The following PHF14 variants were observed in gnomAD, a reference collection of about 807,000 sequenced individuals.
PHF14 encodes the protein PHD finger protein 14.
In PHF14, 55 loss-of-function variants were observed where a neutral mutation model predicts 117.9. The observed-to-expected ratio is 0.47, with a 90% CI of 0.38 to 0.58. PHF14 has a LOEUF of 0.58. PHF14 is among the 20% of genes least tolerant of loss of function. The probability of loss-of-function intolerance (pLI) is 0.00; values close to 1 mark genes in which losing one functional copy is unlikely to be tolerated. For missense variants in PHF14, 978 were observed against 1,122.2 expected (o/e 0.87, Z 1.84); for synonymous variants, 409 against 368.6 (o/e 1.11, Z -1.26).
intron 17 of PHF14, among the ~76,000 whole-genome samples, chr7:11,145,769 CTTATT>C (rs758673502): frequency 2.0e-5 from 3 of 151,998 alleles, no homozygotes; most frequent in East Asian, 3.8e-4. Flanking sequence ...ATATTATTAT[CTTATT>C]TTATTAAAAC....
intron 17 of PHF14, 37 bp from the exon 18 acceptor site, chr7:11,169,379 G>A: frequency 2.0e-6 from 2 of 993,232 alleles, no homozygotes; most frequent in Non-Finnish European, 3.0e-6. Flanking sequence ...ATGCTCTAAA[G>A]TTTATATTTT....
At chr7:11,162,175 A>ACCTC (rs1789064522) in intron 17 of PHF14, among the ~76,000 whole-genome samples, 2 of 123,858 alleles carry the variant, frequency 1.6e-5, no homozygotes, top group South Asian at 5.7e-4. Flanking sequence ...TGCAACCTCC[A>ACCTC]CCTCCCAGGT....
chr7:11,085,113 T>C (rs182146315), intron 16 of PHF14, among the ~76,000 whole-genome samples: 4 of 152,314 alleles, frequency 2.6e-5, no homozygotes, highest in Admixed American at 2.0e-4. Flanking sequence ...TGTTATGAAA[T>C]AGACAACAGA....
At chr7:11,157,334 C>A (rs1788893143) in intron 17 of PHF14, among the ~76,000 whole-genome samples, 1 of 151,380 alleles carries the variant, frequency 6.6e-6, no homozygotes, top group South Asian at 2.1e-4. Context: ...ATTCCATACT[C>A]TTCTAAAATG....
intron 4 of PHF14, among the ~76,000 whole-genome samples, chr7:10,997,897 G>A (rs2128312233): frequency 6.6e-6 from 1 of 152,278 alleles, no homozygotes; most frequent in Middle Eastern, 3.4e-3. Flanking sequence ...ATATTCCGCT[G>A]TTCACACAAG....
intron 4 of PHF14, among the ~76,000 whole-genome samples, chr7:11,007,180 C>T (rs540276023): frequency 4.0e-5 from 6 of 151,092 alleles, no homozygotes; most frequent in African/African-American, 7.3e-5. Context: ...GTAACAAGAG[C>T]GAAACTCCGT....
At chr7:11,079,108 T>A (rs1166085724) in intron 16 of PHF14, among the ~76,000 whole-genome samples, 3 of 152,194 alleles carry the variant, frequency 2.0e-5, no homozygotes, top group African/African-American at 7.2e-5. Context: ...TTGAATGAGC[T>A]CTAACTATTA....
At chr7:11,075,564 G>GTTTT (rs3073111) in intron 16 of PHF14, among the ~76,000 whole-genome samples, 91 of 109,996 alleles carry the variant, frequency 8.3e-4, no homozygotes, top group African/African-American at 1.7e-3. Flanking sequence ...AAGGAAAGAG[G>GTTTT]TTTTTTTTTT....
At chr7:11,087,092 G>C (rs1786440763) in intron 16 of PHF14, among the ~76,000 whole-genome samples, 1 of 152,036 alleles carries the variant, frequency 6.6e-6, no homozygotes, top group Non-Finnish European at 1.5e-5. Context: ...AAGTCCCTGG[G>C]TTCCCTTTTC....
At chr7:11,113,699 A>G (rs1787517000) in intron 17 of PHF14, among the ~76,000 whole-genome samples, 1 of 152,150 alleles carries the variant, frequency 6.6e-6, no homozygotes, top group Non-Finnish European at 1.5e-5. Flanking sequence ...TTTGTGCTGC[A>G]TCAGTGGTTT....
intron 17 of PHF14, among the ~76,000 whole-genome samples, chr7:11,117,752 T>C (rs1049092677): frequency 1.3e-5 from 2 of 151,740 alleles, no homozygotes; most frequent in Non-Finnish European, 2.9e-5. Context: ...TTAATTGAAC[T>C]TGGTAATATT....
At chr7:11,147,652 G>T (rs924801096) in intron 17 of PHF14, among the ~76,000 whole-genome samples, 3 of 151,834 alleles carry the variant, frequency 2.0e-5, no homozygotes, top group Non-Finnish European at 4.4e-5. Context: ...AATTTTCTTT[G>T]TTTGTAACTG....
chr7:10,983,106 G>A lies in PHF14; in HGVS notation c.847G>A (p.Asp283Asn). The part of the protein sequence containing the change: ...SKVLSRNSAD[D>N]EELTNDSLTL... ...AGTTCTTAGCAGAAACAGTGCTGATGATGAGGAACTGACCAATGATAGCCT... is the reference window on the plus strand; with the variant it reads ...AGTTCTTAGCAGAAACAGTGCTGATAATGAGGAACTGACCAATGATAGCCT... Residue 283 changes from aspartate (D) to asparagine (N), a missense_variant, in exon 3 of 18, where the codon GAT becomes AAT. By Grantham distance (23) the Asp-to-Asn change is conservative. Around this residue, in one of 7 missense-constraint regions of PHF14, gnomAD observed 414 missense variants for 376.4 expected, o/e 1.10. Coordinates refer to ENST00000634607, the MANE Select transcript of PHF14 (RefSeq NM_001007157.2). 1 of 1,599,336 alleles carries A rather than the reference G, an allele frequency of 6.3e-7. No homozygotes were observed. The highest frequency in any genetic ancestry group is 8.5e-7 in the Non-Finnish European group (1 of 1,179,630).
intron 17 of PHF14, among the ~76,000 whole-genome samples, chr7:11,141,720 A>G (rs971105850): frequency 1.3e-5 from 2 of 152,050 alleles, no homozygotes; most frequent in Non-Finnish European, 2.9e-5. Flanking sequence ...GACAGTATGT[A>G]AATCTCTACG....
At chr7:10,983,355 C>G (rs1407501365) in intron 3 of PHF14, among the ~76,000 whole-genome samples, 196 bp downstream of exon 3, 1 of 152,152 alleles carries the variant, frequency 6.6e-6, no homozygotes, top group East Asian at 1.9e-4. Context: ...TGTCACCGTT[C>G]TCAAGGAGCT....
chr7:11,150,071 A>G (rs920888353), intron 17 of PHF14, among the ~76,000 whole-genome samples: 7 of 152,172 alleles, frequency 4.6e-5, no homozygotes, highest in African/African-American at 1.7e-4. Flanking sequence ...ATACATTGCA[A>G]GTCACGGAAG....
At chr7:11,071,489 C>G (rs921750832) in intron 16 of PHF14, among the ~76,000 whole-genome samples, 1 of 152,134 alleles carries the variant, frequency 6.6e-6, no homozygotes, top group Non-Finnish European at 1.5e-5. Context: ...TGATAAATAG[C>G]AGATATTTCC....
intron 10 of PHF14, among the ~76,000 whole-genome samples, chr7:11,037,724 G>A (rs1406586958): frequency 2.6e-5 from 4 of 152,200 alleles, no homozygotes; most frequent in African/African-American, 9.6e-5. Flanking sequence ...CATATAAAAC[G>A]GGTATTGACT....
At chr7:11,087,068 A>G (rs2128337782) in intron 16 of PHF14, among the ~76,000 whole-genome samples, 1 of 152,316 alleles carries the variant, frequency 6.6e-6, no homozygotes, top group South Asian at 2.1e-4. Context: ...AAATAAGGGT[A>G]TACTTTGTTT....
Sources: allele counts gnomAD v4.1 joint callset (sites outside exome capture counted in the v4.1 genomes callset), GRCh38; gene constraint gnomAD v4.1.1; regional missense constraint gnomAD v4.1.1; transcripts MANE v1.5; gene names NCBI Gene and HGNC (gene_info 2026-07-23, HGNC 2026-07-21).